SEMA6D: variants seen among roughly 807,000 people sequenced by gnomAD.
SEMA6D encodes the protein semaphorin-6D.
In SEMA6D, 35 loss-of-function variants were observed where a neutral mutation model predicts 106.6. That is an observed-to-expected ratio of 0.33 (90% confidence interval 0.25 to 0.44). The LOEUF (loss-of-function observed/expected upper bound fraction) is 0.44. SEMA6D is among the 20% of genes least tolerant of loss of function. The pLI is 1.00. For missense variants in SEMA6D, 1,185 were observed against 1,345.9 expected, an observed-to-expected ratio of 0.88 and a Z score of 1.87; for synonymous variants, 499 against 487.7, an observed-to-expected ratio of 1.02 and a Z score of -0.31.
chr15:47,391,394 T>G (rs1374462111), intron 1 of SEMA6D, among the ~76,000 whole-genome samples: 1 of 105,478 alleles, frequency 9.5e-6, no homozygotes, highest in Non-Finnish European at 1.7e-5. Context: ...GTAATGAGTC[T>G]TCCAGCTTCC....
intron 1 of SEMA6D, among the ~76,000 whole-genome samples, chr15:47,191,178 C>CATATATAT (rs71425589): frequency 2.0e-5 from 3 of 148,612 alleles, no homozygotes; most frequent in African/African-American, 7.4e-5. Context: ...TGTCTCAAAA[C>CATATATAT]ATATATATAT....
intron 1 of SEMA6D, among the ~76,000 whole-genome samples, chr15:47,402,520 A>T (rs573626765): frequency 6.6e-6 from 1 of 152,288 alleles, no homozygotes; most frequent in South Asian, 2.1e-4. Context: ...GAGCATTTTC[A>T]AATTCGTAAA....
upstream of SEMA6D, among the ~76,000 whole-genome samples, chr15:47,715,053 T>C (rs1274772681): frequency 6.6e-6 from 1 of 152,154 alleles, no homozygotes; most frequent in Non-Finnish European, 1.5e-5. Flanking sequence ...CTTATGCCCA[T>C]GGTAGGGGCT....
chr15:47,350,328 A>C (rs1190009970), intron 1 of SEMA6D, among the ~76,000 whole-genome samples: 2 of 152,216 alleles, frequency 1.3e-5, no homozygotes, highest in African/African-American at 4.8e-5. Flanking sequence ...ACAGCATATA[A>C]AAATAAATGT....
chr15:47,404,098 G>A (rs941354942), intron 1 of SEMA6D, among the ~76,000 whole-genome samples: 2 of 152,204 alleles, frequency 1.3e-5, no homozygotes, highest in African/African-American at 4.8e-5. Context: ...ATCAGTAAGA[G>A]TGATGGTACG....
rs1449463458 is a variant in SEMA6D at position 47,677,109 on chromosome 15, G to A, written c.-55+76213G>A. Reference sequence around the variant, plus strand: ...AGGCAGAGCTCAGGTGATAATGCTCGCTCACCCACCACTCACCTCCTCCTG... The same window carrying A: ...AGGCAGAGCTCAGGTGATAATGCTCACTCACCCACCACTCACCTCCTCCTG... On this transcript the variant is annotated intron_variant, in intron 4 of 19. Transcript: ENST00000558014. Among the ~76,000 whole-genome samples the A allele has an allele frequency of 3.3e-5, 5 of 152,038 alleles. No homozygotes were observed. In the East Asian group the frequency reaches 7.7e-4, roughly 24 times the overall value.
At chr15:47,200,989 A>G (rs1479394073) in intron 1 of SEMA6D, among the ~76,000 whole-genome samples, 1 of 152,196 alleles carries the variant, frequency 6.6e-6, no homozygotes, top group African/African-American at 2.4e-5. Context: ...CAGGGTGGGC[A>G]TGAAGAGCCA....
chr15:47,457,061 G>A (rs2042366864), intron 2 of SEMA6D, among the ~76,000 whole-genome samples: 1 of 151,962 alleles, frequency 6.6e-6, no homozygotes, highest in African/African-American at 2.4e-5. Flanking sequence ...CTTCCAGCCA[G>A]AGTGGAAAAA....
At chr15:47,262,108 T>C (rs562401314) in intron 1 of SEMA6D, among the ~76,000 whole-genome samples, 1 of 152,196 alleles carries the variant, frequency 6.6e-6, no homozygotes, top group East Asian at 1.9e-4. Context: ...ATGAAATATC[T>C]AGGAATACAG....
At chr15:47,628,548 A>T (rs2077241237) in intron 4 of SEMA6D, among the ~76,000 whole-genome samples, 1 of 151,924 alleles carries the variant, frequency 6.6e-6, no homozygotes, top group Non-Finnish European at 1.5e-5. Flanking sequence ...TTTTTTTCTA[A>T]CTATATATCC....
intron 2 of SEMA6D, among the ~76,000 whole-genome samples, chr15:47,441,593 C>T (rs2140785935): frequency 6.6e-6 from 1 of 152,240 alleles, no homozygotes; most frequent in Non-Finnish European, 1.5e-5. Flanking sequence ...ATAGATGCTG[C>T]ATAAGTTTTG....
intron 3 of SEMA6D, among the ~76,000 whole-genome samples, chr15:47,487,518 G>A (rs150789126): frequency 4.0e-4 from 61 of 152,286 alleles, no homozygotes; most frequent in Non-Finnish European, 5.9e-5. Context: ...ACATGTATGT[G>A]TATGGCTTCC....
At chr15:47,716,109 A>C (rs1478928273), upstream of SEMA6D, among the ~76,000 whole-genome samples, 2 of 152,196 alleles carry the variant, frequency 1.3e-5, no homozygotes, top group African/African-American at 4.8e-5. Flanking sequence ...TAATAACAAC[A>C]GGAAAAAAAT....
chr15:47,283,031 C>G (rs977945697), intron 1 of SEMA6D, among the ~76,000 whole-genome samples: 1 of 152,124 alleles, frequency 6.6e-6, no homozygotes, highest in African/African-American at 2.4e-5. Context: ...TTAACAGGGG[C>G]TAGCATTTCT....
At chr15:47,614,588 G>A (rs190451274) in intron 4 of SEMA6D, among the ~76,000 whole-genome samples, 23 of 152,166 alleles carry the variant, frequency 1.5e-4, no homozygotes, top group Admixed American at 1.5e-3. Context: ...CAGCTCCAGT[G>A]TCTTTTACAC....
intron 2 of SEMA6D, among the ~76,000 whole-genome samples, chr15:47,445,874 C>T (rs1024137864): frequency 4.6e-5 from 7 of 152,022 alleles, no homozygotes; most frequent in South Asian, 2.1e-4. Context: ...TCAAAATGTA[C>T]GACAGCTCAC....
chr15:47,445,260 C>T (rs761095283), intron 2 of SEMA6D, among the ~76,000 whole-genome samples: 3 of 152,128 alleles, frequency 2.0e-5, no homozygotes, highest in Non-Finnish European at 4.4e-5. Flanking sequence ...AATGCATGTT[C>T]TCACTGAGGG....
chr15:47,734,830 T>C (rs182509385), intron 1 of SEMA6D, among the ~76,000 whole-genome samples: 246 of 152,322 alleles, frequency 1.6e-3, no homozygotes, highest in Middle Eastern at 6.8e-3. Flanking sequence ...AAAATAAAAA[T>C]TGAAATTAGC....
intron 1 of SEMA6D, among the ~76,000 whole-genome samples, chr15:47,376,070 G>A (rs894329628): frequency 1.3e-5 from 2 of 152,180 alleles, no homozygotes; most frequent in African/African-American, 4.8e-5. Flanking sequence ...CTTCAAACAG[G>A]ATGCACCATT....
Sources: gnomAD v4.1 joint callset for allele counts (sites outside exome capture counted in the v4.1 genomes callset) on GRCh38, gnomAD v4.1.1 for gene constraint, MANE v1.5 for transcripts, NCBI Gene and HGNC (gene_info 2026-07-23, HGNC 2026-07-21) for gene names.